CSMD3: variants seen among roughly 807,000 people sequenced by gnomAD.
The protein encoded by CSMD3 is CUB and sushi domain-containing protein 3.
CSMD3 carries 177 observed loss-of-function variants against 435.2 expected under a neutral mutation model. The observed-to-expected ratio is 0.41, with a 90% CI of 0.36 to 0.46. CSMD3 has a LOEUF of 0.46. Ranked by LOEUF, CSMD3 falls within the 20% of genes least tolerant of loss-of-function variation. The pLI, the probability that CSMD3 is intolerant of heterozygous loss-of-function variation, is 0.34. For synonymous variants in CSMD3, 1,656 were observed against 1,520.5 expected, an observed-to-expected ratio of 1.09 and a Z score of -2.07; for missense variants, 4,265 against 4,504.6, an observed-to-expected ratio of 0.95 and a Z score of 1.52.
chr8:112,910,066 G>A (rs1464759290), intron 10 of CSMD3, among the ~76,000 whole-genome samples: 2 of 151,802 alleles, frequency 1.3e-5, no homozygotes, highest in African/African-American at 2.4e-5. Flanking sequence ...GTCATTTTAA[G>A]TTGTTTTCGG....
At chr8:112,325,420 A>G (rs1483077097) in intron 45 of CSMD3, among the ~76,000 whole-genome samples, 6 of 152,106 alleles carry the variant, frequency 3.9e-5, no homozygotes, top group Non-Finnish European at 5.9e-5. Flanking sequence ...TTTGCAGTTA[A>G]CTTTGTTTCA....
chr8:112,405,246 T>TATATATATACAC (rs1199452249), intron 35 of CSMD3, among the ~76,000 whole-genome samples: 5 of 81,534 alleles, frequency 6.1e-5, no homozygotes, highest in African/African-American at 2.7e-4. Context: ...TATATATATA[T>TATATATATACAC]ACATATATAT....
chr8:113,301,418 A>G (rs1020900255), intron 2 of CSMD3, among the ~76,000 whole-genome samples: 1 of 152,080 alleles, frequency 6.6e-6, no homozygotes, highest in African/African-American at 2.4e-5. Flanking sequence ...GAACTGTTTT[A>G]TATATTTTCA....
intron 24 of CSMD3, among the ~76,000 whole-genome samples, chr8:112,561,121 A>T (rs1828585146): frequency 6.6e-6 from 1 of 151,732 alleles, no homozygotes; most frequent in African/African-American, 2.4e-5. Context: ...AATTTTGTCC[A>T]AATTGGTGGA....
At chr8:113,007,637 T>C (rs953187304) in intron 6 of CSMD3, among the ~76,000 whole-genome samples, 2 of 151,922 alleles carry the variant, frequency 1.3e-5, no homozygotes, top group African/African-American at 4.8e-5. Context: ...GTAATTTGCA[T>C]TAATTTAGTG....
At chr8:112,650,065 T>G in intron 19 of CSMD3, 96 bp downstream of exon 19, 1 of 928,874 alleles carries the variant, frequency 1.1e-6, no homozygotes. Flanking sequence ...TTAAAAAACC[T>G]AAAATATTTA....
chr8:113,017,639 CAG>C (rs1467764387), intron 6 of CSMD3, among the ~76,000 whole-genome samples: 4 of 151,800 alleles, frequency 2.6e-5, no homozygotes, highest in African/African-American at 9.7e-5. Context: ...ATCAGAGCCA[CAG>C]AGTTAGGTGG....
chr8:112,590,654 G>A lies in CSMD3; in HGVS notation c.3716-3419C>T, dbSNP rs148220812. Among the ~76,000 whole-genome samples the A allele has an allele frequency of 1.4e-3, 213 of 152,158 alleles. 3 individuals are homozygous for A. The highest frequency in any genetic ancestry group is 5.0e-3 in the African/African-American group (206 of 41,556). On this transcript the variant is annotated intron_variant, in intron 22 of 70. Transcript: ENST00000297405. ...GTTCTTGTGATGGGGAAATACTTTTGTCTTTAAGGCTTGGAATGTTGGTTG... is the reference window on the plus strand; with the variant it reads ...GTTCTTGTGATGGGGAAATACTTTTATCTTTAAGGCTTGGAATGTTGGTTG...
chr8:112,878,297 C>G (rs1286911419), intron 10 of CSMD3, among the ~76,000 whole-genome samples: 1 of 152,056 alleles, frequency 6.6e-6, no homozygotes, highest in Non-Finnish European at 1.5e-5. Context: ...ATGTATGCAG[C>G]CAACAAACAT....
rs1563776437 is a variant in CSMD3, at chr8:112,313,993, T to A, written c.7609A>T (p.Asn2537Tyr). The change falls in exon 49 of 71, where the codon AAT becomes TAT. Residue 2537 changes from asparagine to tyrosine, a missense_variant. Physicochemically the swap from Asn to Tyr is moderately radical, Grantham distance 143. Coordinates refer to ENST00000297405, the MANE Select transcript of CSMD3 (RefSeq NM_198123.2). The stretch of plus-strand genomic sequence containing the variant: ...ACTTCATGACCATTGCTTGTTATAT[T>A]AAAAGCAGATGAATAATCCCCACTG... Reference protein sequence around the residue: ...SLSGDYSSAFNITSNGHEVFL... With the variant: ...SLSGDYSSAFYITSNGHEVFL... The A allele has an allele frequency of 1.2e-6, 2 of 1,608,196 alleles. No homozygotes were observed. Among genetic ancestry groups the A allele is most frequent in the Non-Finnish European group, 1.7e-6 (2 of 1,174,922 alleles).
intron 9 of CSMD3, among the ~76,000 whole-genome samples, chr8:112,923,402 G>A (rs995761673): frequency 2.6e-5 from 4 of 152,094 alleles, no homozygotes; most frequent in Non-Finnish European, 5.9e-5. Context: ...AATTTCCTAT[G>A]CTTTCTCCTT....
At chr8:112,743,723 T>C (rs1563917527) in intron 13 of CSMD3, among the ~76,000 whole-genome samples, 1 of 152,058 alleles carries the variant, frequency 6.6e-6, no homozygotes, top group Non-Finnish European at 1.5e-5. Context: ...ATTTTTAAAA[T>C]GTGTTTCTTT....
At chr8:112,948,636 T>G (rs970080552) in intron 8 of CSMD3, among the ~76,000 whole-genome samples, 3 of 152,050 alleles carry the variant, frequency 2.0e-5, no homozygotes, top group African/African-American at 7.2e-5. Context: ...TGAGTGATAT[T>G]GTTTAATAAA....
intron 1 of CSMD3, among the ~76,000 whole-genome samples, chr8:113,352,638 A>G (rs2094197597): frequency 6.6e-6 from 1 of 152,178 alleles, no homozygotes; most frequent in Non-Finnish European, 1.5e-5. Flanking sequence ...GGCTCTCTTT[A>G]GGAGATGACA....
At chr8:112,486,721 G>A (rs1820171178) in intron 31 of CSMD3, among the ~76,000 whole-genome samples, 1 of 151,986 alleles carries the variant, frequency 6.6e-6, no homozygotes, top group Non-Finnish European at 1.5e-5. Context: ...ACTTTCATAA[G>A]GAAGCCACCC....
At chr8:112,512,627 T>C (rs1467144504) in intron 28 of CSMD3, among the ~76,000 whole-genome samples, 1 of 152,166 alleles carries the variant, frequency 6.6e-6, no homozygotes, top group Non-Finnish European at 1.5e-5. Context: ...TTAACAGGCC[T>C]AAGATTTTCA....
At chr8:113,335,121 C>T (rs1362768956) in intron 1 of CSMD3, among the ~76,000 whole-genome samples, 1 of 152,038 alleles carries the variant, frequency 6.6e-6, no homozygotes, top group African/African-American at 2.4e-5. Context: ...GCATAGCACG[C>T]CACCTCCACC....
chr8:112,686,610 C>T (rs1199732864), intron 14 of CSMD3, among the ~76,000 whole-genome samples: 1 of 151,560 alleles, frequency 6.6e-6, no homozygotes, highest in Admixed American at 6.6e-5. Context: ...CCTCAGCTTC[C>T]GGAGTAGCTG....
chr8:113,423,207 T>C (rs1416788661), intron 1 of CSMD3, among the ~76,000 whole-genome samples: 1 of 152,084 alleles, frequency 6.6e-6, no homozygotes, highest in Non-Finnish European at 1.5e-5. Context: ...TCAAAAAGTG[T>C]CACATTCTTG....
Sources: allele counts gnomAD v4.1 joint callset (sites outside exome capture counted in the v4.1 genomes callset), GRCh38; gene constraint gnomAD v4.1.1; transcripts MANE v1.5; gene names NCBI Gene and HGNC (gene_info 2026-07-23, HGNC 2026-07-21).